The following CNTN5 variants were observed in gnomAD, a reference collection of about 807,000 sequenced individuals.
CNTN5 encodes the protein contactin-5.
CNTN5 carries 77 observed loss-of-function variants against 129.1 expected under a neutral mutation model. That is an observed-to-expected ratio of 0.60 (90% CI 0.50 to 0.72). The LOEUF (loss-of-function observed/expected upper bound fraction) is 0.72, where lower values mean the gene tolerates loss of function less well. Ranked by LOEUF, CNTN5 falls within the 30% of genes least tolerant of loss-of-function variation. The pLI is 0.00. For synonymous variants in CNTN5, 509 were observed against 465.6 expected, an observed-to-expected ratio of 1.09 and a Z score of -1.20; for missense variants, 1,478 against 1,328.8, an observed-to-expected ratio of 1.11 and a Z score of -1.75.
chr11:99,424,171 A>G lies in CNTN5; in HGVS notation c.-71+98687A>G, dbSNP rs191639292. 2.0e-5 allele frequency among the ~76,000 whole-genome samples: 3 copies of G among 152,362 alleles called. No individual in the cohort carries two copies. In the East Asian group the frequency reaches 5.8e-4, roughly 29 times the overall value. On this transcript the variant is annotated intron_variant, in intron 2 of 24. Transcript: ENST00000524871. ...AATAAAATAGAACAATTTTAACAATATGGCAACATCAATACTCTTGTACTT... is the reference window on the plus strand; with the variant it reads ...AATAAAATAGAACAATTTTAACAATGTGGCAACATCAATACTCTTGTACTT...
At chr11:99,422,831 C>G (rs1479849607) in intron 2 of CNTN5, among the ~76,000 whole-genome samples, 1 of 151,948 alleles carries the variant, frequency 6.6e-6, no homozygotes, top group African/African-American at 2.4e-5. Flanking sequence ...GTAGTTTGAA[C>G]AAGGGGTAAG....
intron 3 of CNTN5, among the ~76,000 whole-genome samples, chr11:99,634,148 A>G (rs1184702602): frequency 3.9e-5 from 6 of 152,162 alleles, no homozygotes; most frequent in Non-Finnish European, 8.8e-5. Flanking sequence ...ATAGTGTTAG[A>G]AAGTAGTTTG....
intron 2 of CNTN5, among the ~76,000 whole-genome samples, chr11:99,405,037 T>C (rs1942011939): frequency 6.6e-6 from 1 of 152,168 alleles, no homozygotes; most frequent in Admixed American, 6.5e-5. Context: ...TTTAAATATG[T>C]GATGCCACTC....
At chr11:99,311,292 C>G (rs1325034883) in intron 1 of CNTN5, among the ~76,000 whole-genome samples, 1 of 152,068 alleles carries the variant, frequency 6.6e-6, no homozygotes, top group East Asian at 1.9e-4. Context: ...GTATTTTTAC[C>G]TACATTATCT....
chr11:99,762,242 T>G, intron 3 of CNTN5, among the ~76,000 whole-genome samples: 1 of 140,950 alleles, frequency 7.1e-6, no homozygotes, highest in African/African-American at 2.6e-5. Flanking sequence ...GGTAGTTTCT[T>G]TTGCTGTGCA....
chr11:99,917,190 A>G (rs1949813834), intron 7 of CNTN5, among the ~76,000 whole-genome samples: 1 of 152,106 alleles, frequency 6.6e-6, no homozygotes, highest in Non-Finnish European at 1.5e-5. Context: ...CTCAGATAAT[A>G]ATTACAATTA....
At chr11:100,234,267 C>CA (rs562606359) in intron 16 of CNTN5, among the ~76,000 whole-genome samples, 1,991 of 152,162 alleles carry the variant, frequency 0.013, 18 homozygotes, top group Non-Finnish European at 0.02. Context: ...CCAGAAATAC[C>CA]GTTTGACCCA....
At chr11:99,786,685 C>G (rs1356420100) in intron 3 of CNTN5, among the ~76,000 whole-genome samples, 1 of 152,066 alleles carries the variant, frequency 6.6e-6, no homozygotes, top group African/African-American at 2.4e-5. Context: ...GAACAGAGAC[C>G]TCAGAAATAA....
At chr11:100,223,592 A>G (rs1949312896) in intron 15 of CNTN5, among the ~76,000 whole-genome samples, 4 of 152,096 alleles carry the variant, frequency 2.6e-5, no homozygotes, top group African/African-American at 9.7e-5. Context: ...GAACAAACAC[A>G]TCACTTTTTA....
intron 6 of CNTN5, among the ~76,000 whole-genome samples, chr11:99,905,279 C>A (rs554870702): frequency 1.3e-5 from 2 of 152,068 alleles, no homozygotes; most frequent in African/African-American, 4.8e-5. Flanking sequence ...TTAGGTCTTA[C>A]GTTTAAGTCT....
intron 6 of CNTN5, among the ~76,000 whole-genome samples, chr11:99,880,903 AT>A (rs1238414235): frequency 1.3e-5 from 2 of 152,182 alleles, no homozygotes; most frequent in Non-Finnish European, 2.9e-5. Context: ...CTTTTTTAAT[AT>A]TTAAAAAAAT....
intron 2 of CNTN5, among the ~76,000 whole-genome samples, chr11:99,348,447 A>C (rs1334740091): frequency 1.3e-5 from 2 of 152,236 alleles, no homozygotes; most frequent in Non-Finnish European, 2.9e-5. Context: ...TGTAGTTATG[A>C]TATTTTTGAT....
At chr11:99,966,409 T>G (rs12284386) in intron 8 of CNTN5, among the ~76,000 whole-genome samples, 3,141 of 152,230 alleles carry the variant, frequency 0.021, 109 homozygotes, top group African/African-American at 0.07. Context: ...AGAGGAGAGA[T>G]GCATTACAGA....
intron 1 of CNTN5, among the ~76,000 whole-genome samples, chr11:99,192,080 C>T (rs12287501): frequency 0.26 from 39,598 of 151,110 alleles, 5,358 homozygotes; most frequent in East Asian, 0.46. Context: ...ACATGATCAT[C>T]TCAATAGATG....
chr11:100,083,143 C>T (rs1944423774), intron 13 of CNTN5, among the ~76,000 whole-genome samples: 2 of 152,008 alleles, frequency 1.3e-5, no homozygotes, highest in Admixed American at 1.3e-4. Flanking sequence ...TGGTGAAACA[C>T]TGTTTCTACT....
intron 3 of CNTN5, among the ~76,000 whole-genome samples, chr11:99,718,604 A>G (rs1027642849): frequency 6.6e-6 from 1 of 152,294 alleles, no homozygotes; most frequent in African/African-American, 2.4e-5. Context: ...AAAATAAACT[A>G]TGTTAGGAGC....
chr11:99,577,738 T>G (rs1455173069), intron 3 of CNTN5, among the ~76,000 whole-genome samples: 4 of 152,084 alleles, frequency 2.6e-5, no homozygotes, highest in African/African-American at 9.7e-5. Context: ...GGACAGTTCT[T>G]TAGTTATTGC....
At chr11:99,937,184 G>T (rs2136098564) in intron 7 of CNTN5, among the ~76,000 whole-genome samples, 1 of 152,346 alleles carries the variant, frequency 6.6e-6, no homozygotes, top group Admixed American at 6.5e-5. Flanking sequence ...GTTCTTTAGA[G>T]CATAAAATAT....
intron 1 of CNTN5, among the ~76,000 whole-genome samples, chr11:99,088,893 T>C (rs918422797): frequency 3.3e-5 from 5 of 152,204 alleles, no homozygotes; most frequent in Non-Finnish European, 7.4e-5. Flanking sequence ...CAATTTTGCT[T>C]TCAGAGCTTA....
Sources: allele counts gnomAD v4.1 joint callset (sites outside exome capture counted in the v4.1 genomes callset), GRCh38; gene constraint gnomAD v4.1.1; transcripts MANE v1.5; gene names NCBI Gene and HGNC (gene_info 2026-07-23, HGNC 2026-07-21).